KCNK10: variants seen among roughly 807,000 people sequenced by gnomAD.
KCNK10 encodes potassium two pore domain channel subfamily K member 10.
Under a neutral mutation model 47.7 loss-of-function variants are expected in KCNK10, and 25 were observed. The ratio of observed to expected loss-of-function variants is 0.52; its 90% CI spans 0.38 to 0.73. The LOEUF (loss-of-function observed/expected upper bound fraction) is 0.73. Among genes scored for constraint, KCNK10 ranks in the 30% least tolerant of loss-of-function variants. The pLI, the probability that KCNK10 is intolerant of heterozygous loss-of-function variation, is 0.00. For synonymous variants in KCNK10, 303 were observed against 285.6 expected, an observed-to-expected ratio of 1.06 and a Z score of -0.61; for missense variants, 563 against 714.5, an observed-to-expected ratio of 0.79 and a Z score of 2.42.
chr14:88,256,527 A>G (rs922104208), intron 2 of KCNK10, among the ~76,000 whole-genome samples: 6 of 151,988 alleles, frequency 3.9e-5, no homozygotes, highest in Non-Finnish European at 8.8e-5. Flanking sequence ...CCCACAGTAA[A>G]CCCTCTCAAT....
rs754192544 is a variant in KCNK10 at position 88,186,019 on chromosome 14, C to T, written c.1148G>A (p.Arg383Gln). Residue 383 changes from arginine (R) to glutamine (Q), a missense_variant, in exon 7 of 7, where the codon CGG (arginine) becomes CAG (glutamine). By Grantham distance (43) the Arg-to-Gln change is conservative (BLOSUM62 1). Transcript: ENST00000319231. The surrounding 1 kb of genome is among the most constrained non-coding windows in gnomAD (Gnocchi z 5.5). The part of the protein sequence containing the change: ...RAATIRSMER[R>Q]RLGLDQRAHS... The stretch of plus-strand genomic sequence containing the variant: ...GGCCCGCTGGTCCAGGCCCAGCCGC[C>T]GGCGCTCCATGCTGCGGATGGTGGC... 2.5e-6 allele frequency: 4 copies of T among 1,613,524 alleles called. No homozygotes were observed. The highest frequency in any genetic ancestry group is 1.1e-5 in the South Asian group (1 of 91,042).
intron 2 of KCNK10, among the ~76,000 whole-genome samples, chr14:88,243,822 T>C (rs1468604882): frequency 6.6e-6 from 1 of 150,920 alleles, no homozygotes; most frequent in Non-Finnish European, 1.5e-5. Context: ...TCAGGCTCCG[T>C]AGCGGCAATG....
intron 2 of KCNK10, among the ~76,000 whole-genome samples, chr14:88,262,118 T>C (rs903023576): frequency 1.3e-5 from 2 of 152,190 alleles, no homozygotes; most frequent in African/African-American, 4.8e-5. Flanking sequence ...CCATTAGAAT[T>C]TAATGTGCAT....
chr14:88,310,238 T>TATGATATGGTATATGATATACCATATC (rs1555365620), intron 1 of KCNK10, among the ~76,000 whole-genome samples: 1 of 145,970 alleles, frequency 6.9e-6, no homozygotes, highest in Non-Finnish European at 1.5e-5. Flanking sequence ...TGATATACCA[T>TATGATATGGTATATGATATACCATATC]ATAAATGATA....
At chr14:88,237,698 A>C (rs1003166106) in intron 3 of KCNK10, among the ~76,000 whole-genome samples, 1 of 152,290 alleles carries the variant, frequency 6.6e-6, no homozygotes, top group African/African-American at 2.4e-5. Flanking sequence ...TTTTGAAAGG[A>C]ATCTTTTTTC....
Position 88,185,507 on chromosome 14 carries a change from C to A in KCNK10, c.*28G>T. On this transcript the variant is annotated 3_prime_UTR_variant, in exon 7 of 7. Transcript: ENST00000319231. This position sits in a 1 kb window ranked among gnomAD's most constrained non-coding sequence, Gnocchi z 4.3. ...AACACACACACACACACACACAACG[C>A]TCAGTCCAAGACCAATGTCCTTCAC... The A allele has an allele frequency of 6.3e-7, 1 of 1,595,208 alleles. No individual in the cohort carries two copies.
At position 88,321,627 on chromosome 14, in the gene KCNK10, A is replaced by ACAG. The variant is rs560922756; in HGVS notation, c.52+1117_52+1119dup. Among the ~76,000 whole-genome samples the ACAG allele has an allele frequency of 2.0e-3, 305 of 152,324 alleles. 1 individual carries two copies. The highest frequency in any genetic ancestry group is 6.8e-3 in the African/African-American group (281 of 41,572). ...AGGTTTGGGCTGTATTTAAGATGTA[A>ACAG]CAGCCTCAGTGTTTTAAAAAGGCAG... On this transcript the variant is annotated intron_variant, in intron 1 of 6. Transcript: ENST00000319231.
upstream of KCNK10, chr14:88,323,750 G>C (rs1262313688): frequency 6.6e-6 from 1 of 152,254 alleles, no homozygotes; most frequent in Non-Finnish European, 1.5e-5. Context: ...GCAGGAGGCG[G>C]AGGAAGGGCC....
At chr14:88,209,510 G>A (rs572137471) in intron 4 of KCNK10, among the ~76,000 whole-genome samples, 3 of 152,364 alleles carry the variant, frequency 2.0e-5, no homozygotes, top group East Asian at 3.9e-4. Context: ...CGAACCTGCC[G>A]TCTGCACTCT....
At position 88,185,371 on chromosome 14, in the gene KCNK10, G is replaced by T; in HGVS notation, c.*164C>A. The T allele has an allele frequency of 4.0e-6, 4 of 992,196 alleles. No individual in the cohort carries two copies. The highest frequency in any genetic ancestry group is 5.7e-6 in the Non-Finnish European group (4 of 696,072). The allele number at this position is 992,196 out of a possible 1,614,324, so 61.5% of individuals were successfully genotyped here. A position where few individuals can be genotyped will look rare whatever the true frequency, so the allele number is the denominator to read the frequency against. ...AAGTTCTTGTTCTCTGATTCCTTTT[G>T]GCAGAGCAAGCTTTCAGTTGTTTAT... On this transcript the variant is annotated 3_prime_UTR_variant, in exon 7 of 7. Coordinates refer to ENST00000319231, the MANE Select transcript of KCNK10 (RefSeq NM_138317.3). The surrounding 1 kb of genome is among the most constrained non-coding windows in gnomAD (Gnocchi z 4.3).
intron 1 of KCNK10, among the ~76,000 whole-genome samples, chr14:88,307,446 G>A (rs1888227239): frequency 6.6e-6 from 1 of 151,990 alleles, no homozygotes. Context: ...TGCTTGCCAG[G>A]GACTGGGAGA....
intron 1 of KCNK10, among the ~76,000 whole-genome samples, chr14:88,294,103 T>C (rs1887935914): frequency 6.6e-6 from 1 of 152,212 alleles, no homozygotes; most frequent in East Asian, 1.9e-4. Flanking sequence ...AGCCCTTGAG[T>C]TGGGCTTCAC....
chr14:88,190,115 A>G (rs1318534758), intron 5 of KCNK10, among the ~76,000 whole-genome samples: 1 of 152,348 alleles, frequency 6.6e-6, no homozygotes, highest in South Asian at 2.1e-4. Flanking sequence ...TGCTCAGTCC[A>G]TGGTAGATAA....
chr14:88,326,311 G>A, upstream of KCNK10: 1 of 863,312 alleles, frequency 1.2e-6, no homozygotes, highest in South Asian at 1.4e-5. Flanking sequence ...GAGTGGGGAT[G>A]GAGGGAGACC....
intron 3 of KCNK10, among the ~76,000 whole-genome samples, chr14:88,232,053 T>C (rs890365319): frequency 1.3e-5 from 2 of 152,192 alleles, no homozygotes; most frequent in African/African-American, 4.8e-5. Context: ...TTCATTTCCT[T>C]TGACAGAGCA....
chr14:88,258,313 T>C (rs1940534), intron 2 of KCNK10, among the ~76,000 whole-genome samples: 95,330 of 147,568 alleles, frequency 0.65, 31,240 homozygotes, highest in African/African-American at 0.76. Context: ...TTTTTCGAGA[T>C]GGAGTCTCAT....
chr14:88,251,820 C>CA, intron 2 of KCNK10, among the ~76,000 whole-genome samples: 1 of 152,292 alleles, frequency 6.6e-6, no homozygotes, highest in East Asian at 1.9e-4. Flanking sequence ...GCCCTTTGGC[C>CA]ACATTTGCTC....
chr14:88,290,221 G>C (rs1406380864), intron 1 of KCNK10, among the ~76,000 whole-genome samples: 1 of 152,076 alleles, frequency 6.6e-6, no homozygotes, highest in Non-Finnish European at 1.5e-5. Flanking sequence ...AGAGAGAGGA[G>C]GCATGTGAGG....
chr14:88,189,886 C>T (rs1181913273), intron 5 of KCNK10, among the ~76,000 whole-genome samples: 1 of 152,178 alleles, frequency 6.6e-6, no homozygotes, highest in Non-Finnish European at 1.5e-5. Flanking sequence ...CCAGATTGGT[C>T]TGTGTAAGCT....
Sources: allele counts gnomAD v4.1 joint callset (sites outside exome capture counted in the v4.1 genomes callset), GRCh38; gene constraint gnomAD v4.1.1; non-coding constraint Gnocchi (gnomAD v3.1); transcripts MANE v1.5; gene names NCBI Gene and HGNC (gene_info 2026-07-23, HGNC 2026-07-21).